The following FBXO47 variants were observed in gnomAD, a reference collection of about 807,000 sequenced individuals.
The protein encoded by FBXO47 is F-box only protein 47.
Under a neutral mutation model 53.9 loss-of-function variants are expected in FBXO47, and 34 were observed. The ratio of observed to expected loss-of-function variants is 0.63; its 90% CI spans 0.48 to 0.84. The LOEUF is 0.84. Among genes scored for constraint, FBXO47 ranks in the 40% least tolerant of loss-of-function variants. The pLI is 0.00. For synonymous variants in FBXO47, 165 were observed against 181.6 expected, an observed-to-expected ratio of 0.91 and a Z score of 0.73; for missense variants, 485 against 541.3, an observed-to-expected ratio of 0.90 and a Z score of 1.03.
chr17:38,939,323 A>AAAAATATATAT (rs1555559726), intron 9 of FBXO47, among the ~76,000 whole-genome samples: 2 of 50,170 alleles, frequency 4.0e-5, no homozygotes, highest in African/African-American at 1.5e-4. Context: ...AAAAAAAAAA[A>AAAAATATATAT]ATATATATAT....
intron 7 of FBXO47, among the ~76,000 whole-genome samples, 186 bp from the exon 8 acceptor site, chr17:38,943,922 T>A (rs1904620951): frequency 6.6e-6 from 1 of 152,212 alleles, no homozygotes; most frequent in African/African-American, 2.4e-5. Flanking sequence ...CCGGGCGTGG[T>A]GGCTCATGCC....
chr17:38,946,070 ATATT>A (rs1298385196), intron 6 of FBXO47, among the ~76,000 whole-genome samples: 2 of 130,978 alleles, frequency 1.5e-5, no homozygotes, highest in Non-Finnish European at 3.1e-5. Flanking sequence ...ACATAAATAT[ATATT>A]TATATATAAA....
At position 38,956,784 on chromosome 17, in the gene FBXO47, T is replaced by A. The variant is rs77674153; in HGVS notation, c.429+393A>T. On this transcript the variant is annotated intron_variant, in intron 4 of 10. Transcript: ENST00000378079. ...ATAAAATGTTTGTCATTTTATATAT[T>A]AAAATACTTTCCCATGTTTCTATAC... 3.9e-3 allele frequency among the ~76,000 whole-genome samples: 593 copies of A among 152,210 alleles called. 3 individuals carry two copies. Among genetic ancestry groups the A allele is most frequent in the African/African-American group, 0.013 (530 of 41,542 alleles).
Position 38,944,191 on chromosome 17 carries a change from ATGTGTGTGTG to A in FBXO47, c.794-465_794-456del, listed in dbSNP as rs71141737. ...AGCGAGACTCTGTCTCAAAAAAAAC[ATGTGTGTGTG>A]TGTGTGTGTGTGTGTGTGTGTGTGT... On this transcript the variant is annotated intron_variant, in intron 7 of 10. Transcript: ENST00000378079. Among the ~76,000 whole-genome samples, 537 of 133,670 alleles carry A rather than the reference ATGTGTGTGTG, an allele frequency of 4.0e-3. 4 individuals carry two copies. The highest frequency in any genetic ancestry group is 0.01 in the African/African-American group (362 of 34,868). 87.7% of individuals were successfully genotyped at this position (133,670 alleles called of 152,430 possible). A position where few individuals can be genotyped will look rare whatever the true frequency, so the allele number is the denominator to read the frequency against.
At chr17:38,939,308 AAAAAAAAAAAAAAAAAT>A (rs1391259666) in intron 9 of FBXO47, among the ~76,000 whole-genome samples, 1 of 125,160 alleles carries the variant, frequency 8.0e-6, no homozygotes. Flanking sequence ...AAAAAAAAAA[AAAAAAAAAAAAAAAAAT>A]ATATATATAT....
chr17:38,937,323 G>T, intron 10 of FBXO47, 33 bp from the exon 11 acceptor site: 1 of 875,096 alleles, frequency 1.1e-6, no homozygotes, highest in South Asian at 1.7e-5. Flanking sequence ...AAAAGAAAAT[G>T]ACAGTTAAAA....
intron 7 of FBXO47, 128 bp downstream of exon 7, chr17:38,944,832 C>T (rs1904672225): frequency 2.3e-6 from 1 of 442,818 alleles, no homozygotes; most frequent in Non-Finnish European, 3.5e-6. Flanking sequence ...GATCGCACCA[C>T]TGTGTGCGTG....
At chr17:38,948,147 AC>A in intron 6 of FBXO47, among the ~76,000 whole-genome samples, 1 of 131,578 alleles carries the variant, frequency 7.6e-6, no homozygotes, top group East Asian at 2.2e-4. Flanking sequence ...GTCCTTTACC[AC>A]CCCTAGCCCT....
At chr17:38,947,443 C>G (rs558651227) in intron 6 of FBXO47, among the ~76,000 whole-genome samples, 149 of 152,176 alleles carry the variant, frequency 9.8e-4, no homozygotes, top group African/African-American at 3.3e-3. Flanking sequence ...ATCCTCCCAC[C>G]TCAGCCTCCC....
At chr17:38,938,408 C>T (rs1345161258) in intron 10 of FBXO47, among the ~76,000 whole-genome samples, 165 bp downstream of exon 10, 1 of 152,028 alleles carries the variant, frequency 6.6e-6, no homozygotes, top group Non-Finnish European at 1.5e-5. Flanking sequence ...AAACAAAAGT[C>T]CGCTTCCTCT....
chr17:38,939,706 G>A (rs571391186), intron 9 of FBXO47, among the ~76,000 whole-genome samples: 7 of 136,628 alleles, frequency 5.1e-5, no homozygotes, highest in East Asian at 2.1e-4. Flanking sequence ...TGTCGCCCAG[G>A]CCGGACTGCG....
chr17:38,946,297 AATATATATAAATATATAAAT>A (rs1567716485), intron 6 of FBXO47, among the ~76,000 whole-genome samples: 8 of 48,270 alleles, frequency 1.7e-4, no homozygotes, highest in Admixed American at 5.1e-4. Flanking sequence ...AATATATAAA[AATATATATAAATATATAAAT>A]ATATATAAAT....
chr17:38,953,166 C>CACACACAA (rs1567719878), intron 5 of FBXO47, among the ~76,000 whole-genome samples: 1 of 132,070 alleles, frequency 7.6e-6, no homozygotes, highest in African/African-American at 3.1e-5. Flanking sequence ...CACACACACA[C>CACACACAA]AAAATAGCTA....
intron 4 of FBXO47, among the ~76,000 whole-genome samples, chr17:38,956,533 A>C (rs1244734952): frequency 6.6e-6 from 1 of 151,464 alleles, no homozygotes; most frequent in African/African-American, 2.4e-5. Context: ...GGTTGCAGTG[A>C]GCCAAGATCA....
intron 10 of FBXO47, 136 bp from the exon 11 acceptor site, chr17:38,937,426 G>A (rs1189961429): frequency 2.7e-5 from 9 of 333,718 alleles, no homozygotes; most frequent in Middle Eastern, 8.2e-4. Context: ...GTGCCATCTC[G>A]GCTCACTGCA....
In FBXO47 at chr17:38,941,529, G is replaced by A. The variant is rs1179981410; in HGVS notation, c.1083+1249C>T. On this transcript the variant is annotated intron_variant, in intron 9 of 10. Transcript: ENST00000378079. ...TTGCTGTGTTTTCCAGGCTGCTCTC[G>A]AACTCCTGGGCTCAAGAATCTCATA... 4.7e-5 allele frequency among the ~76,000 whole-genome samples: 7 copies of A among 149,324 alleles called. No homozygotes were observed. In the East Asian group the frequency reaches 9.8e-4, roughly 21 times the overall value.
At position 38,952,631 on chromosome 17, in the gene FBXO47, C is replaced by T. The variant is rs141743768; in HGVS notation, c.508-942G>A. Among the ~76,000 whole-genome samples, 49 of 151,814 alleles carry T rather than the reference C, an allele frequency of 3.2e-4. 1 individual carries two copies. The East Asian group carries it at 9.5e-3, about 30-fold the overall frequency. On this transcript the variant is annotated intron_variant, in intron 5 of 10. Transcript: ENST00000378079. ...GGTTTAAATGGTACTGAATCCTGAACTTCGACAATGTGAGGCAAGTAACTA... is the reference window on the plus strand; with the variant it reads ...GGTTTAAATGGTACTGAATCCTGAATTTCGACAATGTGAGGCAAGTAACTA...
intron 9 of FBXO47, among the ~76,000 whole-genome samples, chr17:38,941,794 C>G (rs1176400317): frequency 3.3e-5 from 5 of 151,294 alleles, no homozygotes; most frequent in Non-Finnish European, 5.9e-5. Context: ...CCACCTCAGC[C>G]TCCTGAGTAG....
intron 6 of FBXO47, among the ~76,000 whole-genome samples, chr17:38,951,374 T>G (rs990051042): frequency 9.9e-5 from 15 of 152,054 alleles, no homozygotes; most frequent in Middle Eastern, 3.4e-3. Flanking sequence ...TTTTATTTTT[T>G]GTAGAGACAA....
Sources: allele counts gnomAD v4.1 joint callset (sites outside exome capture counted in the v4.1 genomes callset), GRCh38; gene constraint gnomAD v4.1.1; transcripts MANE v1.5; gene names NCBI Gene and HGNC (gene_info 2026-07-23, HGNC 2026-07-21).